MFHAS1: variants seen among roughly 807,000 people sequenced by gnomAD.
MFHAS1 encodes multifunctional ROCO family signaling regulator 1, also known as malignant fibrous histiocytoma-amplified sequence 1.
In MFHAS1, 50 loss-of-function variants were observed where a neutral mutation model predicts 70.4. That is an observed-to-expected ratio of 0.71 (90% CI 0.57 to 0.90). The LOEUF (loss-of-function observed/expected upper bound fraction) is 0.90, where lower values mean the gene tolerates loss of function less well. Ranked by LOEUF, MFHAS1 falls within the 40% of genes least tolerant of loss-of-function variation. The pLI, the probability that MFHAS1 is intolerant of heterozygous loss-of-function variation, is 0.00. For synonymous variants in MFHAS1, 952 were observed against 620.0 expected (o/e 1.54, Z -7.96); for missense variants, 1,795 against 1,347.6 (o/e 1.33, Z -5.20).
intron 1 of MFHAS1, among the ~76,000 whole-genome samples, chr8:8,853,076 T>C (rs1808305466): frequency 6.6e-6 from 1 of 152,124 alleles, no homozygotes; most frequent in Non-Finnish European, 1.5e-5. Flanking sequence ...AGTCCGTGTG[T>C]CTGCTCTCAA....
chr8:8,804,715 T>C (rs1474157253), intron 1 of MFHAS1, among the ~76,000 whole-genome samples: 1 of 152,230 alleles, frequency 6.6e-6, no homozygotes, highest in Non-Finnish European at 1.5e-5. Context: ...GGCCACACTC[T>C]TGATTACTTC....
intron 1 of MFHAS1, among the ~76,000 whole-genome samples, chr8:8,888,080 T>C (rs1271791757): frequency 6.6e-6 from 1 of 152,224 alleles, no homozygotes; most frequent in African/African-American, 2.4e-5. Context: ...AATAAAGAAG[T>C]ATCTTGCTTC....
At chr8:8,786,630 A>G (rs924129793) in intron 2 of MFHAS1, among the ~76,000 whole-genome samples, 4 of 152,200 alleles carry the variant, frequency 2.6e-5, no homozygotes, top group African/African-American at 9.6e-5. Context: ...AAATGGTTAG[A>G]GGAAAAAATA....
intron 1 of MFHAS1, among the ~76,000 whole-genome samples, chr8:8,822,712 G>A (rs1807010693): frequency 1.3e-5 from 2 of 150,524 alleles, no homozygotes; most frequent in African/African-American, 4.9e-5. Flanking sequence ...GATGGGGGCA[G>A]GGACCAAGTC....
At chr8:8,825,170 G>A (rs145235872) in intron 1 of MFHAS1, among the ~76,000 whole-genome samples, 94 of 152,228 alleles carry the variant, frequency 6.2e-4, no homozygotes, top group African/African-American at 2.2e-3. Flanking sequence ...AAAGAAAAGG[G>A]TTGCGGTTTT....
chr8:8,871,762 A>T (rs1160635000), intron 1 of MFHAS1, among the ~76,000 whole-genome samples: 3 of 152,194 alleles, frequency 2.0e-5, no homozygotes, highest in Non-Finnish European at 4.4e-5. Context: ...AATTACATCC[A>T]AGGCTCAGAT....
At chr8:8,813,138 G>C (rs2117287311) in intron 1 of MFHAS1, among the ~76,000 whole-genome samples, 1 of 152,298 alleles carries the variant, frequency 6.6e-6, no homozygotes. Context: ...TTACAAAAGA[G>C]CTGAAAAATT....
At chr8:8,845,664 G>C (rs1272673857) in intron 1 of MFHAS1, among the ~76,000 whole-genome samples, 1 of 152,068 alleles carries the variant, frequency 6.6e-6, no homozygotes, top group Non-Finnish European at 1.5e-5. Flanking sequence ...CTTAAGCTTA[G>C]TGTTATACTC....
At chr8:8,817,992 A>C (rs1227356279) in intron 1 of MFHAS1, among the ~76,000 whole-genome samples, 1 of 152,004 alleles carries the variant, frequency 6.6e-6, no homozygotes, top group Non-Finnish European at 1.5e-5. Context: ...GGGACTGAGG[A>C]CCCCTGCTCT....
chr8:8,832,048 ACGCGCGCG>A (rs111233259), intron 1 of MFHAS1, among the ~76,000 whole-genome samples: 3,140 of 116,728 alleles, frequency 0.027, 97 homozygotes, highest in African/African-American at 0.077. Flanking sequence ...GCGCACATGC[ACGCGCGCG>A]CGCGCGCACA....
At chr8:8,881,569 G>A (rs900221008) in intron 1 of MFHAS1, among the ~76,000 whole-genome samples, 1 of 152,208 alleles carries the variant, frequency 6.6e-6, no homozygotes, top group African/African-American at 2.4e-5. Context: ...GGGCATGGTG[G>A]CTCACGCCTG....
At chr8:8,802,018 G>A (rs1349299956) in intron 1 of MFHAS1, among the ~76,000 whole-genome samples, 2 of 152,208 alleles carry the variant, frequency 1.3e-5, no homozygotes, top group African/African-American at 2.4e-5. Flanking sequence ...CCATCATGGT[G>A]TAATGTATGT....
chr8:8,790,976 A>C (rs1356029053), intron 2 of MFHAS1, among the ~76,000 whole-genome samples: 1 of 152,208 alleles, frequency 6.6e-6, no homozygotes, highest in Non-Finnish European at 1.5e-5. Flanking sequence ...TCTTGCTTGA[A>C]TGGGAACTCT....
rs762163216 is a variant in MFHAS1, at chr8:8,890,240, G to A, written c.2819C>T (p.Thr940Ile). Residue 940 changes from threonine to isoleucine, a missense_variant, in exon 1 of 3, where the codon ACC (threonine) becomes ATC (isoleucine). Physicochemically the swap from Thr to Ile is moderately conservative, Grantham distance 89. Transcript: ENST00000276282. Reference protein sequence around the residue: ...RPARGVLQPDTLSIASHASLP... With the variant: ...RPARGVLQPDILSIASHASLP... ...TGATGCATGGCTAGCAATGGACAGGGTGTCTGGCTGCAGGACTCCCCTGGC... is the reference window on the plus strand; with the variant it reads ...TGATGCATGGCTAGCAATGGACAGGATGTCTGGCTGCAGGACTCCCCTGGC... The A allele has an allele frequency of 1.2e-6, 2 of 1,614,054 alleles. No homozygotes were observed. The highest frequency in any genetic ancestry group is 1.7e-6 in the Non-Finnish European group (2 of 1,180,036).
intron 1 of MFHAS1, among the ~76,000 whole-genome samples, chr8:8,869,989 G>A (rs1809011605): frequency 6.6e-6 from 1 of 152,046 alleles, no homozygotes; most frequent in Non-Finnish European, 1.5e-5. Context: ...CTTCCACACT[G>A]CTGCCCTGAG....
At chr8:8,879,196 A>G (rs960433370) in intron 1 of MFHAS1, among the ~76,000 whole-genome samples, 7 of 152,118 alleles carry the variant, frequency 4.6e-5, no homozygotes, top group Non-Finnish European at 8.8e-5. Flanking sequence ...TAAAAATACA[A>G]AAAAAACTAG....
intron 1 of MFHAS1, among the ~76,000 whole-genome samples, chr8:8,848,486 A>C (rs1808116125): frequency 6.6e-6 from 1 of 152,198 alleles, no homozygotes; most frequent in Non-Finnish European, 1.5e-5. Flanking sequence ...CATTAACATA[A>C]AGAGACACAC....
At chr8:8,845,387 C>G (rs1345728570) in intron 1 of MFHAS1, among the ~76,000 whole-genome samples, 1 of 152,152 alleles carries the variant, frequency 6.6e-6, no homozygotes, top group Non-Finnish European at 1.5e-5. Flanking sequence ...GTAATATTAG[C>G]ATATCACAGA....
intron 2 of MFHAS1, among the ~76,000 whole-genome samples, chr8:8,787,234 C>T (rs181191989): frequency 1.3e-5 from 2 of 152,096 alleles, no homozygotes; most frequent in South Asian, 2.1e-4. Flanking sequence ...GTGCCCGCCA[C>T]CACACGCGGC....
Sources: gnomAD v4.1 joint callset for allele counts (sites outside exome capture counted in the v4.1 genomes callset) on GRCh38, gnomAD v4.1.1 for gene constraint, MANE v1.5 for transcripts, NCBI Gene and HGNC (gene_info 2026-07-23, HGNC 2026-07-21) for gene names.